The following PHF12 variants were observed in gnomAD, a reference collection of about 807,000 sequenced individuals.
PHF12 encodes PHD factor 1.
A neutral mutation model predicts 99.8 loss-of-function variants in PHF12; 6 were observed. That is an observed-to-expected ratio of 0.06 (90% confidence interval 0.03 to 0.12). PHF12 has a LOEUF of 0.12. PHF12 is among the 10% of genes least tolerant of loss of function. The pLI is 1.00. For synonymous variants in PHF12, 480 were observed against 514.9 expected, an observed-to-expected ratio of 0.93 and a Z score of 0.92; for missense variants, 954 against 1,300.1, an observed-to-expected ratio of 0.73 and a Z score of 4.09.
rs943895869 is a variant in PHF12 at position 28,950,465 on chromosome 17, G to C, written c.67-219C>G. 6.7e-6 allele frequency: 4 copies of C among 595,006 alleles called. No individual in the cohort carries two copies. The highest frequency in any genetic ancestry group is 2.9e-5 in the East Asian group (1 of 34,618). 36.9% of individuals were successfully genotyped at this position (595,006 alleles called of 1,614,324 possible). A position where few individuals can be genotyped will look rare whatever the true frequency, so the allele number is the denominator to read the frequency against. Reference sequence around the variant, plus strand: ...CAACGAGAACAGCTTCTTCCAAATGGGGAGGATCAAGGGTAGGGGGATGGG... The same window carrying C: ...CAACGAGAACAGCTTCTTCCAAATGCGGAGGATCAAGGGTAGGGGGATGGG... On this transcript the variant is annotated intron_variant, in intron 1 of 14. Transcript: ENST00000332830. This position sits in a 1 kb window ranked among gnomAD's most constrained non-coding sequence, Gnocchi z 5.7.
At position 28,907,691 on chromosome 17, in the gene PHF12, A is replaced by T. The variant is rs772681017; in HGVS notation, c.2459-19T>A. 1.2e-6 allele frequency: 2 copies of T among 1,608,264 alleles called. No individual in the cohort carries two copies. Among genetic ancestry groups the T allele is most frequent in the Non-Finnish European group, 1.7e-6 (2 of 1,174,868 alleles). ...TCAGCTCCTGCAAGGTGGCAGGAGTAGAGGAAAAGGAAGGCAGAGAACAGA... is the reference window on the plus strand; with the variant it reads ...TCAGCTCCTGCAAGGTGGCAGGAGTTGAGGAAAAGGAAGGCAGAGAACAGA... On this transcript the variant is annotated intron_variant, in intron 12 of 14. Coordinates refer to ENST00000332830, the MANE Select transcript of PHF12 (RefSeq NM_001033561.2).
At chr17:28,920,860 C>G (rs561969119) in intron 5 of PHF12, among the ~76,000 whole-genome samples, 1 of 151,920 alleles carries the variant, frequency 6.6e-6, no homozygotes, top group East Asian at 1.9e-4. Flanking sequence ...CACACCGGGC[C>G]ATTGTTTTTA....
At chr17:28,927,084 C>T in intron 2 of PHF12, 21 bp from the exon 3 acceptor site, 1 of 1,603,964 alleles carries the variant, frequency 6.2e-7, no homozygotes, top group East Asian at 2.2e-5. Flanking sequence ...CAGACAAGGG[C>T]AAGACTAAAT....
intron 10 of PHF12, chr17:28,910,840 T>C (rs1187624962): frequency 2.2e-6 from 1 of 444,692 alleles, no homozygotes; most frequent in Non-Finnish European, 4.0e-6. Flanking sequence ...CTGCCTAAAG[T>C]GATTTTGTTC....
intron 2 of PHF12, among the ~76,000 whole-genome samples, chr17:28,945,664 A>G (rs1193020271): frequency 2.6e-5 from 4 of 152,198 alleles, no homozygotes; most frequent in East Asian, 1.9e-4. Flanking sequence ...CACTCTGTCA[A>G]TGACAACAAT....
rs1279615886 is a variant in PHF12, at chr17:28,951,037, G to A, written c.-77C>T. 1 of 1,604,610 alleles carries A rather than the reference G, an allele frequency of 6.2e-7. No homozygotes were observed. ...GGGGAGGGGGGAGGTGAGGGGAGGG[G>A]GCGCTCCTGACCCCGGCCCCGCTTT... On this transcript the variant is annotated 5_prime_UTR_variant, in exon 1 of 15. Transcript: ENST00000332830.
chr17:28,913,637 T>C (rs1021407680), intron 8 of PHF12, among the ~76,000 whole-genome samples: 2 of 152,178 alleles, frequency 1.3e-5, no homozygotes, highest in African/African-American at 4.8e-5. Flanking sequence ...CAGTATAGAT[T>C]TGCCCATCTC....
chr17:28,906,123 T>C lies in PHF12; in HGVS notation c.*60A>G. 4.0e-6 allele frequency: 6 copies of C among 1,502,746 alleles called. No homozygotes were observed. In the South Asian group the frequency reaches 6.5e-5, roughly 16 times the overall value. 93.1% of individuals were successfully genotyped at this position (1,502,746 alleles called of 1,614,324 possible). On this transcript the variant is annotated 3_prime_UTR_variant, in exon 15 of 15. Coordinates refer to ENST00000332830, the MANE Select transcript of PHF12 (RefSeq NM_001033561.2). The surrounding 1 kb of genome is among the most constrained non-coding windows in gnomAD (Gnocchi z 4.2). ...AACACCCGGGCTTGGTTTGTGTACA[T>C]TTTTGCATTGCAGGAGTCTTGGGTG...
chr17:28,912,149 CT>C (rs565667795), intron 9 of PHF12: 2 of 1,129,032 alleles, frequency 1.8e-6, no homozygotes, highest in Non-Finnish European at 2.2e-6. Flanking sequence ...ACCCTGCCTT[CT>C]TTTAAGGTGA....
At position 28,924,028 on chromosome 17, in the gene PHF12, G is replaced by C. The variant is rs775025875; in HGVS notation, c.596C>G (p.Pro199Arg). 1 of 1,614,170 alleles carries C rather than the reference G, an allele frequency of 6.2e-7. No homozygotes were observed. The highest frequency in any genetic ancestry group is 1.1e-5 in the South Asian group (1 of 91,084). Residue 199 changes from proline (P) to arginine (R), a missense_variant, in exon 4 of 15, where the codon CCA becomes CGA. Pro to Arg is a moderately radical substitution (Grantham distance 103, BLOSUM62 -2). Around this residue, in one of 8 missense-constraint regions of PHF12, gnomAD observed 109 missense variants for 145.4 expected, o/e 0.75. Coordinates refer to ENST00000332830, the MANE Select transcript of PHF12 (RefSeq NM_001033561.2). ...DVDEEPVAAE[P>R]DYVQPQLRRP... is the part of the protein sequence containing the mutation. ...CCTCAGCTGGGGCTGCACATAGTCT[G>C]GCTCCGCTGCTACTGGTTCCTCATC...
chr17:28,910,156 A>G, intron 11 of PHF12, 70 bp downstream of exon 11: 1 of 1,602,364 alleles, frequency 6.2e-7, no homozygotes, highest in Non-Finnish European at 8.6e-7. Context: ...TTCTCCATGG[A>G]GGCAAGGTGA....
intron 3 of PHF12, chr17:28,926,554 G>A (rs2040276787): frequency 3.0e-6 from 1 of 334,372 alleles, no homozygotes; most frequent in Admixed American, 4.4e-5. Context: ...AGAAAGATTA[G>A]GCAACTTGGG....
At position 28,909,114 on chromosome 17, in the gene PHF12, G is replaced by C. The variant is rs2039917400; in HGVS notation, c.2360-233C>G. The C allele has an allele frequency of 5.7e-6, 3 of 527,156 alleles. No individual in the cohort carries two copies. The East Asian group carries it at 9.7e-5, about 17-fold the overall frequency. 32.7% of individuals were successfully genotyped at this position (527,156 alleles called of 1,614,324 possible). A position where few individuals can be genotyped will look rare whatever the true frequency, so the allele number is the denominator to read the frequency against. On this transcript the variant is annotated intron_variant, in intron 11 of 14. Coordinates refer to ENST00000332830, the MANE Select transcript of PHF12 (RefSeq NM_001033561.2). ...ACCATCTTTGAAGATGGTCAGAGAA[G>C]TCAGAGATGACAGTACTGTGTAAGT...
Position 28,951,390 on chromosome 17 carries a change from G to C in PHF12, c.-430C>G. 1.0e-6 allele frequency: 1 copy of C among 982,766 alleles called. No homozygotes were observed. Among genetic ancestry groups the C allele is most frequent in the Non-Finnish European group, 1.2e-6 (1 of 826,594 alleles). The allele number at this position is 982,766 out of a possible 1,614,324, so 60.9% of individuals were successfully genotyped here. A position where few individuals can be genotyped will look rare whatever the true frequency, so the allele number is the denominator to read the frequency against. On this transcript the variant is annotated 5_prime_UTR_variant, in exon 1 of 15. Transcript: ENST00000332830. ...GAGGTGACTGGGGGGAGGGTGATGG[G>C]GGGTGGTCCCCGGGCTCCGCCTCTC...
chr17:28,942,929 CTTATA>C (rs1233681295), intron 2 of PHF12, among the ~76,000 whole-genome samples: 1 of 152,034 alleles, frequency 6.6e-6, no homozygotes, highest in African/African-American at 2.4e-5. Context: ...CGACAAGGAA[CTTATA>C]TTTACAACAT....
intron 10 of PHF12, 50 bp downstream of exon 10, chr17:28,911,062 A>G: frequency 1.2e-6 from 2 of 1,611,824 alleles, no homozygotes; most frequent in Non-Finnish European, 1.7e-6. Flanking sequence ...GTATAGGAAT[A>G]GCACCTTCAA....
chr17:28,910,975 ACTC>A, intron 10 of PHF12, 134 bp downstream of exon 10: 2 of 1,050,438 alleles, frequency 1.9e-6, no homozygotes, highest in Middle Eastern at 2.8e-4. Context: ...CCAAAAGGAT[ACTC>A]CTCATTCCCA....
At chr17:28,914,828 A>G (rs1254300387) in intron 7 of PHF12, among the ~76,000 whole-genome samples, 1 of 152,192 alleles carries the variant, frequency 6.6e-6, no homozygotes, top group East Asian at 1.9e-4. Context: ...CCACACTCTG[A>G]ATCACACCAT....
At chr17:28,915,714 T>C (rs986822774) in intron 7 of PHF12, among the ~76,000 whole-genome samples, 2 of 152,242 alleles carry the variant, frequency 1.3e-5, no homozygotes, top group African/African-American at 2.4e-5. Flanking sequence ...CAGCAGATTT[T>C]TCCTGAATTG....
Sources: allele counts gnomAD v4.1 joint callset (sites outside exome capture counted in the v4.1 genomes callset), GRCh38; gene constraint gnomAD v4.1.1; regional missense constraint gnomAD v4.1.1; non-coding constraint Gnocchi (gnomAD v3.1); transcripts MANE v1.5; gene names NCBI Gene and HGNC (gene_info 2026-07-23, HGNC 2026-07-21).